Variants in NBEAL1 observed in about 807,000 individuals in gnomAD.
The protein encoded by NBEAL1 is neurobeachin like 1.
Under a neutral mutation model 351.3 loss-of-function variants are expected in NBEAL1, and 273 were observed. The observed-to-expected ratio is 0.78, with a 90% CI of 0.70 to 0.86. The LOEUF (loss-of-function observed/expected upper bound fraction) is 0.86, where lower values mean the gene tolerates loss of function less well. Ranked by LOEUF, NBEAL1 falls within the 40% of genes least tolerant of loss-of-function variation. NBEAL1 has a pLI of 0.00. For synonymous variants in NBEAL1, 1,050 were observed against 1,086.4 expected (o/e 0.97, Z 0.66); for missense variants, 2,961 against 3,201.3 (o/e 0.92, Z 1.81).
intron 2 of NBEAL1, chr2:203,040,807 T>C: frequency 3.9e-6 from 2 of 513,768 alleles, no homozygotes; most frequent in South Asian, 3.2e-5. Context: ...ACCTCCACTA[T>C]ATACCAAAAA....
At chr2:203,201,500 G>A (rs765961395) in intron 49 of NBEAL1, 43 bp from the exon 50 acceptor site, 69 of 1,435,060 alleles carry the variant, frequency 4.8e-5, no homozygotes, top group African/African-American at 1.3e-4. Flanking sequence ...ATCAGTATAC[G>A]TGATCTTGTA....
At chr2:203,162,668 T>C (rs978695916) in intron 36 of NBEAL1, among the ~76,000 whole-genome samples, 2 of 152,132 alleles carry the variant, frequency 1.3e-5, no homozygotes, top group African/African-American at 2.4e-5. Flanking sequence ...TGTTTGAGCC[T>C]GGAAGGTGGA....
At chr2:203,158,740 C>G (rs1167947289) in intron 36 of NBEAL1, among the ~76,000 whole-genome samples, 2 of 149,680 alleles carry the variant, frequency 1.3e-5, no homozygotes, top group Admixed American at 6.7e-5. Context: ...TGTGTACATT[C>G]ATTTATCATC....
intron 53 of NBEAL1, among the ~76,000 whole-genome samples, chr2:203,210,538 C>T (rs1222128673): frequency 1.3e-5 from 2 of 151,750 alleles, no homozygotes; most frequent in Admixed American, 6.6e-5. Flanking sequence ...GTGTTGGGCA[C>T]CTGTAGTCCC....
chr2:203,190,451 C>G, intron 46 of NBEAL1, 62 bp downstream of exon 46: 3 of 1,142,548 alleles, frequency 2.6e-6, no homozygotes, highest in Non-Finnish European at 3.8e-6. Flanking sequence ...AAGTACATAA[C>G]AAAATATTGC....
Position 203,220,617 on chromosome 2 carries a change from T to G in NBEAL1, c.*3263T>G, listed in dbSNP as rs1376567961. On this transcript the variant is annotated 3_prime_UTR_variant, in exon 56 of 56. Coordinates refer to ENST00000683969, the MANE Select transcript of NBEAL1 (RefSeq NM_001378026.1). Reference sequence around the variant, plus strand: ...TTTATACCAAGATAATTATTTTACTTTTGGAAAATGAGATCAAGTATTAAA... The same window carrying G: ...TTTATACCAAGATAATTATTTTACTGTTGGAAAATGAGATCAAGTATTAAA... Among the ~76,000 whole-genome samples, 1 of 152,206 alleles carries G rather than the reference T, an allele frequency of 6.6e-6. No homozygotes were observed. Among genetic ancestry groups the G allele is most frequent in the Non-Finnish European group, 1.5e-5 (1 of 68,042 alleles).
chr2:203,073,165 A>T (rs973991173), intron 7 of NBEAL1, among the ~76,000 whole-genome samples: 1 of 152,162 alleles, frequency 6.6e-6, no homozygotes, highest in African/African-American at 2.4e-5. Flanking sequence ...CAGCCTCCTG[A>T]GTAGCTGGGA....
intron 24 of NBEAL1, among the ~76,000 whole-genome samples, chr2:203,130,042 A>G (rs938612106): frequency 2.6e-5 from 4 of 152,298 alleles, no homozygotes; most frequent in African/African-American, 7.2e-5. Flanking sequence ...GCACACCTGC[A>G]GTACCAGCTA....
At chr2:203,213,719 C>G in intron 55 of NBEAL1, 66 bp downstream of exon 55, 1 of 1,594,910 alleles carries the variant, frequency 6.3e-7, no homozygotes, top group Non-Finnish European at 8.5e-7. Flanking sequence ...CTCCTTCATT[C>G]CAACTGATTG....
At chr2:203,044,001 TAG>T (rs2061187364) in intron 3 of NBEAL1, among the ~76,000 whole-genome samples, 1 of 152,172 alleles carries the variant, frequency 6.6e-6, no homozygotes, top group African/African-American at 2.4e-5. Flanking sequence ...ATTTTCTGTG[TAG>T]AGTGTCTTGA....
At chr2:203,100,659 G>A (rs1270913724) in intron 12 of NBEAL1, among the ~76,000 whole-genome samples, 2 of 150,790 alleles carry the variant, frequency 1.3e-5, no homozygotes, top group Admixed American at 1.3e-4. Flanking sequence ...TGATGCTCCT[G>A]CCTCAGCCTC....
chr2:203,111,957 A>G (rs1303595531), intron 15 of NBEAL1, 22 bp from the exon 16 acceptor site: 1 of 1,540,762 alleles, frequency 6.5e-7, no homozygotes. Context: ...TTATCCTTTA[A>G]ATGTGTGTTT....
chr2:203,151,144 A>G (rs1181962231), intron 34 of NBEAL1, among the ~76,000 whole-genome samples: 3 of 152,212 alleles, frequency 2.0e-5, no homozygotes, highest in African/African-American at 7.2e-5. Flanking sequence ...CAGCCTGACC[A>G]ACATGGCAAA....
At chr2:203,154,658 C>T (rs1039874506) in intron 35 of NBEAL1, among the ~76,000 whole-genome samples, 1 of 151,990 alleles carries the variant, frequency 6.6e-6, no homozygotes, top group Non-Finnish European at 1.5e-5. Context: ...TTATGAAGCA[C>T]CTTTTGGAAC....
At chr2:203,021,594 A>T (rs1046605132) in intron 2 of NBEAL1, among the ~76,000 whole-genome samples, 2 of 144,134 alleles carry the variant, frequency 1.4e-5, no homozygotes, top group African/African-American at 5.1e-5. Context: ...GACCCCATTT[A>T]AAAAAAAAAA....
At chr2:203,140,260 G>C (rs555853097) in intron 31 of NBEAL1, among the ~76,000 whole-genome samples, 2 of 149,200 alleles carry the variant, frequency 1.3e-5, no homozygotes, top group East Asian at 4.0e-4. Flanking sequence ...CTGAGATCAC[G>C]CCATTGCACT....
chr2:203,086,623 C>T (rs2061965648), intron 10 of NBEAL1, among the ~76,000 whole-genome samples: 1 of 152,178 alleles, frequency 6.6e-6, no homozygotes, highest in African/African-American at 2.4e-5. Context: ...CAACCTCTGC[C>T]TCCTGGGTTC....
intron 19 of NBEAL1, among the ~76,000 whole-genome samples, chr2:203,124,012 A>C (rs1169154374): frequency 6.6e-6 from 1 of 152,234 alleles, no homozygotes; most frequent in African/African-American, 2.4e-5. Flanking sequence ...AGAGCTCTTC[A>C]AAACTGGTAT....
At chr2:203,154,934 CAAAAAAAAA>C (rs55890648) in intron 35 of NBEAL1, among the ~76,000 whole-genome samples, 1 of 92,724 alleles carries the variant, frequency 1.1e-5, no homozygotes, top group Non-Finnish European at 2.0e-5. Context: ...GACCTTGTCT[CAAAAAAAAA>C]AAAAAAAAAA....
Sources: allele counts gnomAD v4.1 joint callset (sites outside exome capture counted in the v4.1 genomes callset), GRCh38; gene constraint gnomAD v4.1.1; transcripts MANE v1.5; gene names NCBI Gene and HGNC (gene_info 2026-07-23, HGNC 2026-07-21).